Variants in CDKAL1 observed in about 807,000 individuals in gnomAD.
CDKAL1 encodes threonylcarbamoyladenosine tRNA methylthiotransferase.
CDKAL1 carries 32 observed loss-of-function variants against 68.2 expected under a neutral mutation model. That is an observed-to-expected ratio of 0.47 (90% CI 0.35 to 0.63). The LOEUF is 0.63. CDKAL1 is among the 30% of genes least tolerant of loss of function. The pLI, the probability that CDKAL1 is intolerant of heterozygous loss-of-function variation, is 0.00. For synonymous variants in CDKAL1, 234 were observed against 244.3 expected, an observed-to-expected ratio of 0.96 and a Z score of 0.39; for missense variants, 606 against 696.7, an observed-to-expected ratio of 0.87 and a Z score of 1.47.
intron 13 of CDKAL1, among the ~76,000 whole-genome samples, chr6:21,189,507 C>CT (rs1235191961): frequency 2.0e-5 from 3 of 152,012 alleles, no homozygotes; most frequent in Non-Finnish European, 4.4e-5. Context: ...TAATGAATGC[C>CT]TTTTTTTGTC....
intron 9 of CDKAL1, among the ~76,000 whole-genome samples, chr6:20,918,003 C>G (rs1287030160): frequency 2.0e-5 from 3 of 152,126 alleles, no homozygotes; most frequent in African/African-American, 4.8e-5. Context: ...CCTAGCTACT[C>G]AGGTGGTTGA....
At chr6:20,858,462 C>G (rs186130899) in intron 9 of CDKAL1, among the ~76,000 whole-genome samples, 12 of 152,144 alleles carry the variant, frequency 7.9e-5, no homozygotes, top group African/African-American at 2.4e-4. Flanking sequence ...AAAACTGATA[C>G]GCCTGTAATG....
chr6:21,101,898 A>T (rs1460262199), intron 12 of CDKAL1, among the ~76,000 whole-genome samples: 1 of 152,060 alleles, frequency 6.6e-6, no homozygotes, highest in Non-Finnish European at 1.5e-5. Context: ...CCCAGCTGTT[A>T]ATCAGATCTG....
At chr6:21,052,240 T>G (rs953058702) in intron 11 of CDKAL1, among the ~76,000 whole-genome samples, 6 of 152,236 alleles carry the variant, frequency 3.9e-5, no homozygotes, top group African/African-American at 1.4e-4. Context: ...ATATGATGTT[T>G]TACTTGGGAA....
intron 5 of CDKAL1, among the ~76,000 whole-genome samples, chr6:20,661,891 T>G (rs1328135704): frequency 1.3e-5 from 2 of 152,168 alleles, no homozygotes; most frequent in Non-Finnish European, 2.9e-5. Flanking sequence ...CATAATTAAA[T>G]ATATGTGTTG....
intron 3 of CDKAL1, among the ~76,000 whole-genome samples, chr6:20,547,014 T>A (rs1337571806): frequency 1.4e-5 from 2 of 147,776 alleles, no homozygotes; most frequent in Non-Finnish European, 3.0e-5. Flanking sequence ...AGATATCACA[T>A]TTTTTTTTTT....
At chr6:21,011,194 T>C (rs992349896) in intron 11 of CDKAL1, among the ~76,000 whole-genome samples, 7 of 148,442 alleles carry the variant, frequency 4.7e-5, no homozygotes, top group Non-Finnish European at 8.9e-5. Context: ...CTGGCTAACA[T>C]GGTGAAACCC....
At chr6:20,628,388 A>G (rs1767523897) in intron 4 of CDKAL1, among the ~76,000 whole-genome samples, 1 of 152,156 alleles carries the variant, frequency 6.6e-6, no homozygotes, top group Non-Finnish European at 1.5e-5. Flanking sequence ...ATAGAGTAGT[A>G]TGTGAATTAG....
At chr6:21,017,853 A>T (rs1054995512) in intron 11 of CDKAL1, among the ~76,000 whole-genome samples, 1 of 151,216 alleles carries the variant, frequency 6.6e-6, no homozygotes, top group African/African-American at 2.4e-5. Flanking sequence ...TTAATTTCTT[A>T]TACATTAAAA....
At chr6:21,156,852 A>C (rs1776673535) in intron 13 of CDKAL1, among the ~76,000 whole-genome samples, 1 of 152,186 alleles carries the variant, frequency 6.6e-6, no homozygotes, top group African/African-American at 2.4e-5. Flanking sequence ...AATCCTTCTA[A>C]GAGTATCAAA....
chr6:21,201,117 T>A lies in CDKAL1; in HGVS notation c.1391T>A (p.Val464Glu), dbSNP rs1038480426. The A allele has an allele frequency of 6.8e-6, 11 of 1,608,292 alleles. No individual in the cohort carries two copies. Among genetic ancestry groups the A allele is most frequent in the Non-Finnish European group, 8.5e-6 (10 of 1,175,474 alleles). ...GAAACAAATGTGTTTAAGGTTTTAGTGCCAAAGAACCCTGCGTTCATGGGG... is the reference window on the plus strand; with the variant it reads ...GAAACAAATGTGTTTAAGGTTTTAGAGCCAAAGAACCCTGCGTTCATGGGG... ...AHNQFYEQVL[V>E]PKNPAFMGKM... The change falls in exon 15 of 16, where the codon GTG (valine) becomes GAG (glutamate). Residue 464 changes from valine to glutamate, a missense_variant. Coordinates refer to ENST00000274695, the MANE Select transcript of CDKAL1 (RefSeq NM_017774.3).
In CDKAL1 at chr6:20,781,487, GTAATAAACA is replaced by G. The variant is rs552537234; in HGVS notation, c.638+233_638+241del. Among the ~76,000 whole-genome samples the G allele has an allele frequency of 3.0e-3, 458 of 151,994 alleles. 1 individual carries two copies. Among genetic ancestry groups the G allele is most frequent in the African/African-American group, 0.01 (435 of 41,432 alleles). On this transcript the variant is annotated intron_variant, in intron 8 of 15. Coordinates refer to ENST00000274695, the MANE Select transcript of CDKAL1 (RefSeq NM_017774.3). ...AACTTTAATATTATTCCCATTTTTG[GTAATAAACA>G]TAATAAACATGGATTTCATTTCCCA...
chr6:20,595,103 G>GT (rs1210994737), intron 4 of CDKAL1, among the ~76,000 whole-genome samples: 1 of 152,004 alleles, frequency 6.6e-6, no homozygotes, highest in Non-Finnish European at 1.5e-5. Context: ...TGCCCTTAAC[G>GT]TTTTTTTCTT....
intron 5 of CDKAL1, among the ~76,000 whole-genome samples, chr6:20,725,673 A>G (rs370975207): frequency 7.9e-5 from 12 of 151,158 alleles, no homozygotes; most frequent in African/African-American, 2.7e-4. Context: ...AATCCCAGCT[A>G]TGCGGGAGGC....
At chr6:20,816,572 T>C (rs1459771628) in intron 8 of CDKAL1, among the ~76,000 whole-genome samples, 1 of 152,182 alleles carries the variant, frequency 6.6e-6, no homozygotes. Flanking sequence ...AGAATGCTCT[T>C]TGTTACAATG....
chr6:20,827,912 G>A (rs1202058359), intron 8 of CDKAL1, among the ~76,000 whole-genome samples: 1 of 151,714 alleles, frequency 6.6e-6, no homozygotes, highest in East Asian at 1.9e-4. Context: ...AGAAGTTTTT[G>A]TTTGTGGTTG....
intron 13 of CDKAL1, among the ~76,000 whole-genome samples, chr6:21,181,419 A>G (rs1239313258): frequency 6.6e-6 from 1 of 152,172 alleles, no homozygotes; most frequent in Admixed American, 6.5e-5. Flanking sequence ...GGTTTCTTAT[A>G]AAAAGACAAG....
intron 8 of CDKAL1, among the ~76,000 whole-genome samples, chr6:20,787,330 G>A (rs776630704): frequency 1.1e-4 from 17 of 152,072 alleles, no homozygotes; most frequent in African/African-American, 2.9e-4. Context: ...TACACTTTAT[G>A]TCTGTAATGT....
chr6:20,540,650 G>A (rs1482456325), intron 2 of CDKAL1, among the ~76,000 whole-genome samples: 1 of 151,672 alleles, frequency 6.6e-6, no homozygotes, highest in Non-Finnish European at 1.5e-5. Context: ...GAGACGAGGT[G>A]TCACCATGTT....
Sources: gnomAD v4.1 joint callset for allele counts (sites outside exome capture counted in the v4.1 genomes callset) on GRCh38, gnomAD v4.1.1 for gene constraint, MANE v1.5 for transcripts, NCBI Gene and HGNC (gene_info 2026-07-23, HGNC 2026-07-21) for gene names.